BTAF1: variants seen among roughly 807,000 people sequenced by gnomAD.
BTAF1 encodes TATA-binding protein-associated factor 172.
In BTAF1, 38 loss-of-function variants were observed where a neutral mutation model predicts 227.1. The observed-to-expected ratio is 0.17, with a 90% CI of 0.13 to 0.22. The LOEUF (loss-of-function observed/expected upper bound fraction) is 0.22. Ranked by LOEUF, BTAF1 falls within the 10% of genes least tolerant of loss-of-function variation. BTAF1 has a pLI of 1.00. For missense variants in BTAF1, 1,598 were observed against 2,204.0 expected (o/e 0.73, Z 5.51); for synonymous variants, 742 against 751.9 (o/e 0.99, Z 0.21).
chr10:91,939,188 G>GT (rs1228165923), intron 2 of BTAF1, among the ~76,000 whole-genome samples: 57 of 152,100 alleles, frequency 3.7e-4, no homozygotes, highest in East Asian at 1.9e-3. Flanking sequence ...TTATTCTTAA[G>GT]TATTTTCTAC....
rs1028827042 is a variant in BTAF1, at chr10:92,030,475, T to C, written c.*1542T>C. 3 of 152,064 alleles carry C rather than the reference T, an allele frequency of 2.0e-5. No homozygotes were observed. Among genetic ancestry groups the C allele is most frequent in the Non-Finnish European group, 4.4e-5 (3 of 67,992 alleles). The allele number at this position is 152,064 out of a possible 1,614,324, so 9.4% of individuals were successfully genotyped here. A position where few individuals can be genotyped will look rare whatever the true frequency, so the allele number is the denominator to read the frequency against. ...ATATTTGAGTTGAATATTTTTTTAT[T>C]AACTATTTATTTGCTAGTTCCATAA... On this transcript the variant is annotated 3_prime_UTR_variant, in exon 38 of 38. Transcript: ENST00000265990.
chr10:91,998,891 C>T (rs887917442), intron 25 of BTAF1, among the ~76,000 whole-genome samples: 9 of 151,840 alleles, frequency 5.9e-5, no homozygotes, highest in Non-Finnish European at 7.4e-5. Flanking sequence ...GGTGAAACCT[C>T]GTCTCTACTA....
rs2134036798 is a variant in BTAF1 at position 91,993,842 on chromosome 10, A to G, written c.3194A>G (p.Asn1065Ser). 6.3e-7 allele frequency: 1 copy of G among 1,589,598 alleles called. No individual in the cohort carries two copies. The highest frequency in any genetic ancestry group is 8.6e-7 in the Non-Finnish European group (1 of 1,166,294). ...GPLRNTIDIN[N>S]FDGKSLLDKG... is the part of the protein sequence containing the mutation. ...TTGAGGAATACAATCGACATAAATA[A>G]TTTTGGTATACACATATTTTTATGA... is the stretch of plus-strand genomic sequence containing the variant. Residue 1065 changes from asparagine (N) to serine (S), a missense_variant, in exon 22 of 38, where the codon AAT becomes AGT. Transcript: ENST00000265990.
rs559845655 is a variant in BTAF1, at chr10:92,027,144, C to T, written c.5250C>T (p.Asn1750=). The change falls in exon 37 of 38, where the codon AAC becomes AAT. Residue 1750 remains asparagine, a synonymous_variant. Transcript: ENST00000265990. The part of the protein sequence containing the change: ...AHRIGQKRVV[N]VYRLITRGTL... ...TTCTTATCCAGAAACGTGTGGTTAACGTATACCGATTGATAACCAGAGGAA... is the reference window on the plus strand; with the variant it reads ...TTCTTATCCAGAAACGTGTGGTTAATGTATACCGATTGATAACCAGAGGAA... 1.2e-5 allele frequency: 19 copies of T among 1,613,044 alleles called. No individual in the cohort carries two copies. Among genetic ancestry groups the T allele is most frequent in the South Asian group, 1.1e-4 (10 of 90,928 alleles).
intron 1 of BTAF1, among the ~76,000 whole-genome samples, chr10:91,929,279 C>CT (rs1293896600): frequency 6.6e-6 from 1 of 152,154 alleles, no homozygotes; most frequent in Non-Finnish European, 1.5e-5. Context: ...CCTTAATCAG[C>CT]TAGAGAAAGT....
At chr10:91,986,106 A>G (rs1486623609) in intron 19 of BTAF1, among the ~76,000 whole-genome samples, 1 of 151,136 alleles carries the variant, frequency 6.6e-6, no homozygotes, top group Non-Finnish European at 1.5e-5. Context: ...TTTATGATTT[A>G]TCATTCATTT....
Position 91,959,076 on chromosome 10 carries a change from T to C in BTAF1, c.912T>C (p.Gly304=). Residue 304 remains glycine (G), a synonymous_variant, in exon 9 of 38, where the codon GGT becomes GGC. Coordinates refer to ENST00000265990, the MANE Select transcript of BTAF1 (RefSeq NM_003972.3). ...LFNPSWEVRH[G]AGTGLREILK... Reference sequence around the variant, plus strand: ...TTTGTTCTTTTCAGGTTCGACATGGTGCAGGCACTGGACTTAGGGAAATTC... The same window carrying C: ...TTTGTTCTTTTCAGGTTCGACATGGCGCAGGCACTGGACTTAGGGAAATTC... The C allele has an allele frequency of 1.2e-6, 2 of 1,614,112 alleles. No individual in the cohort carries two copies. Among genetic ancestry groups the C allele is most frequent in the South Asian group, 2.2e-5 (2 of 91,084 alleles).
intron 9 of BTAF1, 190 bp downstream of exon 9, chr10:91,959,344 C>T: frequency 8.2e-7 from 1 of 1,221,836 alleles, no homozygotes; most frequent in Non-Finnish European, 1.1e-6. Context: ...GTTGAGAGGT[C>T]AGTGAGCAAC....
chr10:91,976,936 A>G (rs1318605860), intron 14 of BTAF1, among the ~76,000 whole-genome samples: 3 of 152,222 alleles, frequency 2.0e-5, no homozygotes, highest in South Asian at 2.1e-4. Flanking sequence ...TATGGGAGGT[A>G]GAAGACACTA....
At chr10:91,951,163 T>A (rs182816992) in intron 4 of BTAF1, among the ~76,000 whole-genome samples, 1 of 152,238 alleles carries the variant, frequency 6.6e-6, no homozygotes, top group Admixed American at 6.5e-5. Flanking sequence ...TATTTACTAA[T>A]TAACAGTTGG....
chr10:91,989,555 A>T lies in BTAF1; in HGVS notation c.2829A>T (p.Thr943=). 6.2e-7 allele frequency: 1 copy of T among 1,602,752 alleles called. No homozygotes were observed. The highest frequency in any genetic ancestry group is 8.5e-7 in the Non-Finnish European group (1 of 1,176,922). Residue 943 remains threonine, a synonymous_variant, in exon 20 of 38, where the codon ACA becomes ACT. Transcript: ENST00000265990. ...LTPCVTCPVP[T]QSGQENSKGS... is the part of the protein sequence containing the mutation. ...CTTGTGTCACATGTCCAGTACCAAC[A>T]CAAAGTGGCCAGGAAAATTCTAAAG...
chr10:92,024,635 T>C, intron 34 of BTAF1, 121 bp from the exon 35 acceptor site: 2 of 844,472 alleles, frequency 2.4e-6, no homozygotes, highest in Non-Finnish European at 1.8e-6. Context: ...AAAGTGCTAA[T>C]CTGCTTTCCA....
chr10:91,957,359 A>G (rs1456643447), intron 8 of BTAF1, 66 bp downstream of exon 8: 5 of 1,333,778 alleles, frequency 3.7e-6, no homozygotes, highest in Non-Finnish European at 5.3e-6. Context: ...AACAATGTCA[A>G]GAGCAATATA....
chr10:92,014,302 C>T (rs1166910808), intron 32 of BTAF1, among the ~76,000 whole-genome samples: 1 of 152,050 alleles, frequency 6.6e-6, no homozygotes, highest in African/African-American at 2.4e-5. Context: ...AGTCATGGCT[C>T]ACTGCAGCCT....
At chr10:91,957,085 T>C (rs1846155670) in intron 7 of BTAF1, 140 bp from the exon 8 acceptor site, 10 of 538,240 alleles carry the variant, frequency 1.9e-5, no homozygotes, top group Non-Finnish European at 3.3e-5. Context: ...TAAAAATATA[T>C]CTTAATTAGT....
chr10:92,027,816 T>C (rs758503347), intron 37 of BTAF1, among the ~76,000 whole-genome samples: 5 of 152,132 alleles, frequency 3.3e-5, no homozygotes, highest in Non-Finnish European at 7.4e-5. Flanking sequence ...CTTGGAAATA[T>C]TAGTGAGTCT....
intron 12 of BTAF1, among the ~76,000 whole-genome samples, chr10:91,963,079 C>T (rs1160547010): frequency 1.3e-5 from 2 of 151,570 alleles, no homozygotes; most frequent in Non-Finnish European, 2.9e-5. Flanking sequence ...TAATTATTAA[C>T]TAATAAGTGC....
intron 15 of BTAF1, 130 bp downstream of exon 15, chr10:91,980,688 GA>G: frequency 5.8e-6 from 4 of 685,236 alleles, no homozygotes; most frequent in Non-Finnish European, 7.6e-6. Context: ...TCTGCATAAT[GA>G]GACAGAGAAC....
chr10:91,963,278 G>C (rs1227685850), intron 12 of BTAF1, among the ~76,000 whole-genome samples: 1 of 151,902 alleles, frequency 6.6e-6, no homozygotes, highest in Non-Finnish European at 1.5e-5. Flanking sequence ...TTTTTAAAAG[G>C]CATGGTGGCG....
Sources: allele counts gnomAD v4.1 joint callset (sites outside exome capture counted in the v4.1 genomes callset), GRCh38; gene constraint gnomAD v4.1.1; transcripts MANE v1.5; gene names NCBI Gene and HGNC (gene_info 2026-07-23, HGNC 2026-07-21).